Variants in SAMD4A observed in about 807,000 individuals in gnomAD.
SAMD4A encodes the protein protein Smaug homolog 1.
Under a neutral mutation model 81.3 loss-of-function variants are expected in SAMD4A, and 33 were observed. The observed-to-expected ratio is 0.41, with a 90% CI of 0.31 to 0.54. The LOEUF is 0.54. Among genes scored for constraint, SAMD4A ranks in the 20% least tolerant of loss-of-function variants. The probability of loss-of-function intolerance (pLI) is 0.37; values close to 1 mark genes in which losing one functional copy is unlikely to be tolerated. For missense variants in SAMD4A, 854 were observed against 951.1 expected (o/e 0.90, Z 1.34); for synonymous variants, 389 against 382.1 (o/e 1.02, Z -0.21).
intron 2 of SAMD4A, among the ~76,000 whole-genome samples, chr14:54,629,439 G>A (rs753400291): frequency 9.2e-5 from 14 of 152,210 alleles, no homozygotes; most frequent in South Asian, 4.1e-4. Context: ...GATTCAATCA[G>A]TAAGCCCCAG....
At position 54,770,169 on chromosome 14, in the gene SAMD4A, G is replaced by T. The variant is rs771850904; in HGVS notation, c.1662G>T (p.Arg554=). ...SWKQQVQKLF[R]SFPRKTLLDI... is the part of the protein sequence containing the mutation. ...AACAGCAGGTGCAGAAGCTCTTTCG[G>T]TCTTTCCCTCGGAAAACCCTTCTAG... is the stretch of plus-strand genomic sequence containing the variant. The change falls in exon 9 of 13, where the codon CGG becomes CGT. Residue 554 remains arginine (R), a synonymous_variant. Coordinates refer to ENST00000554335, the MANE Select transcript of SAMD4A (RefSeq NM_015589.6). 6.2e-7 allele frequency: 1 copy of T among 1,614,136 alleles called. No individual in the cohort carries two copies. Among genetic ancestry groups the T allele is most frequent in the Non-Finnish European group, 8.5e-7 (1 of 1,179,964 alleles).
At chr14:54,710,234 AT>A (rs1188558954) in intron 3 of SAMD4A, among the ~76,000 whole-genome samples, 2 of 152,066 alleles carry the variant, frequency 1.3e-5, no homozygotes, top group East Asian at 3.9e-4. Flanking sequence ...ATTAATCTTG[AT>A]TTTTTTCTGA....
At chr14:54,588,617 T>C (rs1253202257) in intron 2 of SAMD4A, among the ~76,000 whole-genome samples, 1 of 152,164 alleles carries the variant, frequency 6.6e-6, no homozygotes, top group East Asian at 1.9e-4. Flanking sequence ...ACAATGGATA[T>C]TGTTAAAAAC....
At chr14:54,766,013 G>A (rs962581589) in intron 8 of SAMD4A, among the ~76,000 whole-genome samples, 1 of 152,148 alleles carries the variant, frequency 6.6e-6, no homozygotes, top group Admixed American at 6.5e-5. Flanking sequence ...CTAGGTTGGG[G>A]GCTCAGACAC....
intron 2 of SAMD4A, among the ~76,000 whole-genome samples, chr14:54,597,290 T>G (rs1012938715): frequency 6.6e-6 from 1 of 152,050 alleles, no homozygotes; most frequent in African/African-American, 2.4e-5. Context: ...TTCTTTTTTT[T>G]TGAGATGGAG....
In SAMD4A at chr14:54,789,366, C is replaced by T. The variant is rs961447662; in HGVS notation, c.*422C>T. On this transcript the variant is annotated 3_prime_UTR_variant, in exon 13 of 13. Coordinates refer to ENST00000554335, the MANE Select transcript of SAMD4A (RefSeq NM_015589.6). Reference sequence around the variant, plus strand: ...AAGGCCTGGCTTCACAGGCAGGCCACAGAAGGATATCGCGGGCACGTGCAC... The same window carrying T: ...AAGGCCTGGCTTCACAGGCAGGCCATAGAAGGATATCGCGGGCACGTGCAC... 2.4e-5 allele frequency: 5 copies of T among 208,298 alleles called. No homozygotes were observed. The highest frequency in any genetic ancestry group is 5.3e-5 in the Admixed American group (1 of 18,798). The allele number at this position is 208,298 out of a possible 1,614,324, so 12.9% of individuals were successfully genotyped here. A position where few individuals can be genotyped will look rare whatever the true frequency, so the allele number is the denominator to read the frequency against.
At chr14:54,602,482 G>A (rs1308583578) in intron 2 of SAMD4A, among the ~76,000 whole-genome samples, 1 of 152,008 alleles carries the variant, frequency 6.6e-6, no homozygotes, top group Non-Finnish European at 1.5e-5. Context: ...GTACAAGCTA[G>A]CTTAAGGAGA....
At chr14:54,701,872 T>A (rs2036727855) in intron 2 of SAMD4A, among the ~76,000 whole-genome samples, 190 bp from the exon 3 acceptor site, 1 of 152,248 alleles carries the variant, frequency 6.6e-6, no homozygotes, top group Non-Finnish European at 1.5e-5. Flanking sequence ...GTTTGATCTG[T>A]GTTTCATTGG....
At chr14:54,694,494 T>C in intron 2 of SAMD4A, 2 of 309,252 alleles carry the variant, frequency 6.5e-6, no homozygotes, top group Non-Finnish European at 9.4e-6. Flanking sequence ...AGAGCAAGAG[T>C]TGGGTTGTGG....
At chr14:54,682,400 C>T (rs2036149490) in intron 2 of SAMD4A, among the ~76,000 whole-genome samples, 1 of 152,196 alleles carries the variant, frequency 6.6e-6, no homozygotes, top group Non-Finnish European at 1.5e-5. Flanking sequence ...CTGTTGAACA[C>T]TGGTACCAAT....
chr14:54,705,034 A>G (rs11625890), intron 3 of SAMD4A, among the ~76,000 whole-genome samples: 55,124 of 152,110 alleles, frequency 0.36, 12,008 homozygotes, highest in Non-Finnish European at 0.48. Context: ...AGCTTGGCCA[A>G]GTAATTTAAC....
intron 3 of SAMD4A, among the ~76,000 whole-genome samples, chr14:54,734,579 A>G (rs1213435021): frequency 2.0e-5 from 3 of 152,342 alleles, no homozygotes; most frequent in Non-Finnish European, 4.4e-5. Flanking sequence ...TTCTATGTAC[A>G]AATCCCTGTA....
At position 54,720,599 on chromosome 14, in the gene SAMD4A, C is replaced by T. The variant is rs547186623; in HGVS notation, c.716-16425C>T. Among the ~76,000 whole-genome samples the T allele has an allele frequency of 3.3e-5, 5 of 152,256 alleles. 1 individual carries two copies. In the South Asian group the frequency reaches 1.0e-3, roughly 32 times the overall value. The stretch of plus-strand genomic sequence containing the variant: ...GGGATATAAGCCTTACTGCGAGGGT[C>T]CTAGGGCCTGTTAGGAGTAAGGTGC... On this transcript the variant is annotated intron_variant, in intron 3 of 12. Coordinates refer to ENST00000554335, the MANE Select transcript of SAMD4A (RefSeq NM_015589.6).
chr14:54,701,021 C>T (rs377098055), intron 2 of SAMD4A: 1 of 143,634 alleles, frequency 7.0e-6, no homozygotes, highest in Non-Finnish European at 1.5e-5. Context: ...TTTTTGAGAC[C>T]AGGTCTCCTC....
chr14:54,585,963 A>G (rs1566533652), intron 2 of SAMD4A, among the ~76,000 whole-genome samples: 3 of 152,014 alleles, frequency 2.0e-5, no homozygotes, highest in Non-Finnish European at 1.5e-5. Flanking sequence ...CTACCCAGAG[A>G]TTGCCAGATC....
rs771497048 is a variant in SAMD4A, at chr14:54,568,073, G to T, written c.157G>T (p.Ala53Ser). 6 of 1,584,628 alleles carry T rather than the reference G, an allele frequency of 3.8e-6. No individual in the cohort carries two copies. Among genetic ancestry groups the T allele is most frequent in the Non-Finnish European group, 5.1e-6 (6 of 1,173,082 alleles). ...CCTGGAGCACTCGCTGGCCGACTGC[G>T]CCGAGCTGCACGTCCTCGAACGCGA... The part of the protein sequence containing the change: ...LCLEHSLADC[A>S]ELHVLEREAN... Residue 53 changes from alanine to serine, a missense_variant, in exon 2 of 13, where the codon GCC becomes TCC. By Grantham distance (99) the Ala-to-Ser change is moderately conservative. This residue lies in a region of SAMD4A where 387 missense variants were observed against 405.8 expected (regional missense o/e 0.95). Transcript: ENST00000554335.
chr14:54,653,303 ATT>A (rs1309812746), intron 2 of SAMD4A, among the ~76,000 whole-genome samples: 17 of 9,248 alleles, frequency 1.8e-3, no homozygotes, highest in African/African-American at 4.2e-3. Context: ...TCCTCTTAAT[ATT>A]ATTATTATTA....
In SAMD4A at chr14:54,721,192, C is replaced by G. The variant is rs61977000; in HGVS notation, c.716-15832C>G. Among the ~76,000 whole-genome samples the G allele has an allele frequency of 7.3e-3, 1,113 of 152,256 alleles. 8 individuals carry two copies. The highest frequency in any genetic ancestry group is 1.0e-2 in the Non-Finnish European group (678 of 68,016). On this transcript the variant is annotated intron_variant, in intron 3 of 12. Transcript: ENST00000554335. ...AATTCTAAGAGGTCAGGAACCTGGT[C>G]TTGTTCACCATAGCATTCCATTGTC...
At chr14:54,697,263 A>G (rs1234255885) in intron 2 of SAMD4A, among the ~76,000 whole-genome samples, 2 of 152,214 alleles carry the variant, frequency 1.3e-5, no homozygotes, top group African/African-American at 2.4e-5. Flanking sequence ...AGGGAGGTAG[A>G]CACTGCAATG....
Sources: gnomAD v4.1 joint callset for allele counts (sites outside exome capture counted in the v4.1 genomes callset) on GRCh38, gnomAD v4.1.1 for gene constraint, gnomAD v4.1.1 regional missense constraint, MANE v1.5 for transcripts, NCBI Gene and HGNC (gene_info 2026-07-23, HGNC 2026-07-21) for gene names.